The following PRKN variants were observed in gnomAD, a reference collection of about 807,000 sequenced individuals.
PRKN encodes the protein E3 ubiquitin-protein ligase parkin.
PRKN carries 56 observed loss-of-function variants against 59.5 expected under a neutral mutation model. The ratio of observed to expected loss-of-function variants is 0.94; its 90% confidence interval spans 0.76 to 1.18. PRKN has a LOEUF of 1.18. PRKN is among the 50% of genes most tolerant of loss of function. The probability of loss-of-function intolerance (pLI) is 0.00; values close to 1 mark genes in which losing one functional copy is unlikely to be tolerated. For missense variants in PRKN, 657 were observed against 596.4 expected (o/e 1.10, Z -1.06); for synonymous variants, 250 against 222.1 (o/e 1.13, Z -1.12).
At chr6:161,678,475 C>T (rs1167775643) in intron 7 of PRKN, among the ~76,000 whole-genome samples, 1 of 151,098 alleles carries the variant, frequency 6.6e-6, no homozygotes, top group East Asian at 1.9e-4. Context: ...CAGAAATGGT[C>T]ATGTATCCTT....
At chr6:162,077,231 C>G (rs933667924) in intron 4 of PRKN, among the ~76,000 whole-genome samples, 1 of 152,128 alleles carries the variant, frequency 6.6e-6, no homozygotes, top group Non-Finnish European at 1.5e-5. Flanking sequence ...CTGTTACCTA[C>G]AGCATTCAAT....
At chr6:162,111,762 T>G (rs1328341061) in intron 4 of PRKN, among the ~76,000 whole-genome samples, 1 of 152,026 alleles carries the variant, frequency 6.6e-6, no homozygotes, top group Non-Finnish European at 1.5e-5. Flanking sequence ...CAACCAGAAG[T>G]TTCTGATGAT....
rs190318541 is a variant in PRKN, at chr6:161,969,743, C to T, written c.734+3559G>A. Among the ~76,000 whole-genome samples the T allele has an allele frequency of 2.0e-5, 3 of 152,268 alleles. No homozygotes were observed. The East Asian group carries it at 5.8e-4, about 29-fold the overall frequency. On this transcript the variant is annotated intron_variant, in intron 6 of 11. Transcript: ENST00000366898. ...TATTTACAGATAAATTAATACTATA[C>T]TCTGATTTTCATCTATTATTTTAAT...
chr6:162,010,673 ACT>A (rs372129065), intron 5 of PRKN, among the ~76,000 whole-genome samples: 1 of 3,340 alleles, frequency 3.0e-4, no homozygotes, highest in Non-Finnish European at 3.6e-4. Context: ...TATATAATAT[ACT>A]ATATATTATA....
chr6:161,747,186 C>T (rs1788468946), intron 7 of PRKN, among the ~76,000 whole-genome samples: 1 of 152,118 alleles, frequency 6.6e-6, no homozygotes, highest in Admixed American at 6.6e-5. Context: ...GGCCCCTGTC[C>T]TATAATATAA....
intron 5 of PRKN, among the ~76,000 whole-genome samples, chr6:162,051,276 TG>T (rs1777631674): frequency 2.0e-5 from 3 of 152,096 alleles, no homozygotes; most frequent in Admixed American, 2.0e-4. Flanking sequence ...AGGCCGTCTA[TG>T]CGAGATTCTT....
Position 161,440,738 on chromosome 6 carries a change from C to T in PRKN, c.1084-53861G>A, listed in dbSNP as rs1055875042. On this transcript the variant is annotated intron_variant, in intron 9 of 11. Transcript: ENST00000366898. This position sits in a 1 kb window ranked among gnomAD's most constrained non-coding sequence, Gnocchi z 4.1. Reference sequence around the variant, plus strand: ...CAAACCCAAGAGATATTTCCAATGCCACCTGAAGGTCCTGAGAGCTCCCTG... The same window carrying T: ...CAAACCCAAGAGATATTTCCAATGCTACCTGAAGGTCCTGAGAGCTCCCTG... Among the ~76,000 whole-genome samples the T allele has an allele frequency of 2.0e-5, 3 of 152,110 alleles. No individual in the cohort carries two copies. The highest frequency in any genetic ancestry group is 4.4e-5 in the Non-Finnish European group (3 of 68,016).
intron 1 of PRKN, among the ~76,000 whole-genome samples, chr6:162,714,291 G>A (rs950746123): frequency 1.1e-4 from 16 of 152,118 alleles, no homozygotes; most frequent in Non-Finnish European, 2.1e-4. Flanking sequence ...TAGAACAATT[G>A]TGAAAAAAAT....
intron 5 of PRKN, among the ~76,000 whole-genome samples, chr6:161,986,518 A>C (rs1435143413): frequency 8.8e-5 from 12 of 137,022 alleles, no homozygotes; most frequent in Admixed American, 7.4e-4. Context: ...TAAGACTTTG[A>C]TATTCCATCT....
At chr6:162,289,782 G>A (rs1008713392) in intron 2 of PRKN, among the ~76,000 whole-genome samples, 1 of 152,070 alleles carries the variant, frequency 6.6e-6, no homozygotes, top group Non-Finnish European at 1.5e-5. Flanking sequence ...TACCTTACTG[G>A]AGGGCAGATA....
In PRKN at chr6:161,451,233, G is replaced by T. The variant is rs1789728050; in HGVS notation, c.1084-64356C>A. ...GCAACAAATGAACTATTAAAAACAG[G>T]GGTCTCTTTTATCCTACCGTCATCT... On this transcript the variant is annotated intron_variant, in intron 9 of 11. Coordinates refer to ENST00000366898, the MANE Select transcript of PRKN (RefSeq NM_004562.3). The surrounding 1 kb of genome is among the most constrained non-coding windows in gnomAD (Gnocchi z 5.9). 2.0e-5 allele frequency among the ~76,000 whole-genome samples: 3 copies of T among 152,202 alleles called. No homozygotes were observed. In the South Asian group the frequency reaches 6.2e-4, roughly 32 times the overall value.
At chr6:161,726,859 C>A (rs578165666) in intron 7 of PRKN, among the ~76,000 whole-genome samples, 2 of 152,108 alleles carry the variant, frequency 1.3e-5, no homozygotes, top group Non-Finnish European at 2.9e-5. Context: ...GGCTTGTATT[C>A]TTTCAATTTA....
chr6:161,957,400 GTTC>G (rs1285184290), intron 6 of PRKN, among the ~76,000 whole-genome samples: 1 of 138,748 alleles, frequency 7.2e-6, no homozygotes, highest in Admixed American at 7.3e-5. Flanking sequence ...TTTTTTTGTT[GTTC>G]TTGTTGTTTT....
At chr6:161,933,725 G>A (rs994564130) in intron 6 of PRKN, among the ~76,000 whole-genome samples, 2 of 151,240 alleles carry the variant, frequency 1.3e-5, no homozygotes, top group Non-Finnish European at 3.0e-5. Context: ...GTCCTAAAGT[G>A]TCTGTCTGTC....
intron 4 of PRKN, among the ~76,000 whole-genome samples, chr6:162,068,319 C>T (rs975592875): frequency 6.6e-6 from 1 of 152,130 alleles, no homozygotes; most frequent in Non-Finnish European, 1.5e-5. Context: ...AGACATTATA[C>T]TTGGCATTTC....
rs143024147 is a variant in PRKN, at chr6:162,137,860, T to C, written c.534+63271A>G. ...TGGCAATTAAATTTCAACATGAGTT[T>C]TGGAAGGGACAAACATTCAAACCAT... On this transcript the variant is annotated intron_variant, in intron 4 of 11. Transcript: ENST00000366898. Among the ~76,000 whole-genome samples the C allele has an allele frequency of 1.4e-4, 22 of 152,310 alleles. No homozygotes were observed. The East Asian group carries it at 3.9e-3, about 27-fold the overall frequency.
chr6:161,698,846 A>G lies in PRKN; in HGVS notation c.871+86926T>C, dbSNP rs141086693. Among the ~76,000 whole-genome samples the G allele has an allele frequency of 3.2e-3, 484 of 152,340 alleles. 1 individual carries two copies. The highest frequency in any genetic ancestry group is 0.014 in the Middle Eastern group (4 of 294). On this transcript the variant is annotated intron_variant, in intron 7 of 11. Transcript: ENST00000366898. The stretch of plus-strand genomic sequence containing the variant: ...AACACTAAACTATAAAAGTTCTAGC[A>G]GAAAACAGAAGAGAAAAGCATGATC...
chr6:162,401,233 C>T (rs1787779017), intron 2 of PRKN, among the ~76,000 whole-genome samples: 1 of 151,220 alleles, frequency 6.6e-6, no homozygotes, highest in African/African-American at 2.4e-5. Context: ...ATAGAAATTG[C>T]TGAATCAGAA....
At chr6:161,741,165 CTCTG>C (rs1788167524) in intron 7 of PRKN, among the ~76,000 whole-genome samples, 5 of 152,196 alleles carry the variant, frequency 3.3e-5, no homozygotes, top group Non-Finnish European at 5.9e-5. Flanking sequence ...ATTCATGCAA[CTCTG>C]TCTATCTACT....
Sources: allele counts gnomAD v4.1 joint callset (sites outside exome capture counted in the v4.1 genomes callset), GRCh38; gene constraint gnomAD v4.1.1; non-coding constraint Gnocchi (gnomAD v3.1); transcripts MANE v1.5; gene names NCBI Gene and HGNC (gene_info 2026-07-23, HGNC 2026-07-21).